Variants in KAZN observed in about 807,000 individuals in gnomAD.
KAZN encodes the protein kazrin, periplakin interacting protein.
KAZN carries 40 observed loss-of-function variants against 87.4 expected under a neutral mutation model. That is an observed-to-expected ratio of 0.46 (90% CI 0.36 to 0.60). The LOEUF (loss-of-function observed/expected upper bound fraction) is 0.60, where lower values mean the gene tolerates loss of function less well. KAZN is among the 20% of genes least tolerant of loss of function. KAZN has a pLI of 0.00. For synonymous variants in KAZN, 466 were observed against 458.3 expected (o/e 1.02, Z -0.22); for missense variants, 898 against 1,073.9 (o/e 0.84, Z 2.29).
At chr1:14,378,097 C>T (rs1423563362) in intron 2 of KAZN, among the ~76,000 whole-genome samples, 1 of 152,102 alleles carries the variant, frequency 6.6e-6, no homozygotes, top group East Asian at 1.9e-4. Context: ...TTACTCAGTG[C>T]TAGGTGCTCT....
chr1:14,915,684 C>T (rs1454106252), intron 1 of KAZN, among the ~76,000 whole-genome samples: 1 of 152,204 alleles, frequency 6.6e-6, no homozygotes, highest in East Asian at 1.9e-4. Context: ...GAGGCAGTTT[C>T]GCAGAGGATA....
At chr1:14,204,281 C>T (rs1646695735) in intron 2 of KAZN, among the ~76,000 whole-genome samples, 1 of 152,182 alleles carries the variant, frequency 6.6e-6, no homozygotes, top group Non-Finnish European at 1.5e-5. Flanking sequence ...TCCTCACAAA[C>T]ACTTCTGAGG....
At chr1:15,044,262 T>A in intron 4 of KAZN, 103 bp downstream of exon 4, 2 of 195,822 alleles carry the variant, frequency 1.0e-5, no homozygotes, top group South Asian at 9.4e-5. Context: ...TAGGGTGGGG[T>A]GGGTGGGGCA....
chr1:14,987,071 G>A (rs1174451801), intron 2 of KAZN, among the ~76,000 whole-genome samples: 6 of 152,148 alleles, frequency 3.9e-5, no homozygotes, highest in Admixed American at 6.5e-5. Context: ...CCCAGGCAGC[G>A]TAGAGGAGAA....
At chr1:14,214,733 C>A (rs1427938769) in intron 2 of KAZN, among the ~76,000 whole-genome samples, 1 of 152,204 alleles carries the variant, frequency 6.6e-6, no homozygotes, top group Non-Finnish European at 1.5e-5. Flanking sequence ...GAGGTAGCCA[C>A]TTACCAAGAG....
intron 2 of KAZN, among the ~76,000 whole-genome samples, chr1:14,192,571 A>C (rs1488302119): frequency 6.6e-6 from 1 of 152,202 alleles, no homozygotes; most frequent in Non-Finnish European, 1.5e-5. Flanking sequence ...CTGGAAAAAA[A>C]CTTGTTCTAG....
rs141569130 is a variant in KAZN, at chr1:14,304,244, A to C, written c.249+123652A>C. ...CTGCAGTAGTTTGCAAAGTGCTCAA[A>C]GAGTTTCACCTACCGATGTTCAACT... On this transcript the variant is annotated intron_variant, in intron 2 of 16. Transcript: ENST00000636203. 3.3e-4 allele frequency among the ~76,000 whole-genome samples: 51 copies of C among 152,370 alleles called. No individual in the cohort carries two copies. The East Asian group carries it at 9.4e-3, about 28-fold the overall frequency.
chr1:14,328,996 G>T (rs953174754), intron 2 of KAZN, among the ~76,000 whole-genome samples: 2 of 152,104 alleles, frequency 1.3e-5, no homozygotes, highest in Admixed American at 1.3e-4. Flanking sequence ...TACAAGAAAA[G>T]ACACAACTCA....
At chr1:14,144,852 C>G (rs981154257) in intron 1 of KAZN, among the ~76,000 whole-genome samples, 3 of 152,136 alleles carry the variant, frequency 2.0e-5, no homozygotes, top group Admixed American at 6.5e-5. Context: ...GGAACTAACA[C>G]AGTGAGAACA....
chr1:13,977,274 T>G (rs1391354746), intron 1 of KAZN, among the ~76,000 whole-genome samples: 1 of 152,248 alleles, frequency 6.6e-6, no homozygotes, highest in Non-Finnish European at 1.5e-5. Context: ...GAAATAAAAC[T>G]CAGTTCTGTG....
At chr1:14,503,433 G>A (rs10927447) in intron 2 of KAZN, among the ~76,000 whole-genome samples, 24,202 of 150,646 alleles carry the variant, frequency 0.16, 2,291 homozygotes, top group Non-Finnish European at 0.22. Context: ...GCAGTGAGCC[G>A]ACATCACGCC....
intron 8 of KAZN, among the ~76,000 whole-genome samples, chr1:15,088,986 C>T (rs1377600940): frequency 6.6e-6 from 1 of 152,086 alleles, no homozygotes; most frequent in African/African-American, 2.4e-5. Context: ...CACAAAGACA[C>T]ACAGGCACAC....
At chr1:14,730,361 C>T (rs535000234) in intron 1 of KAZN, among the ~76,000 whole-genome samples, 5 of 152,280 alleles carry the variant, frequency 3.3e-5, no homozygotes, top group Admixed American at 6.5e-5. Flanking sequence ...GGATTACAGG[C>T]GTGAGCCACC....
At chr1:14,256,791 GTAAACC>G (rs1412605938) in intron 2 of KAZN, among the ~76,000 whole-genome samples, 1 of 152,178 alleles carries the variant, frequency 6.6e-6, no homozygotes, top group East Asian at 1.9e-4. Context: ...GCACAGGATA[GTAAACC>G]TAAATTTACT....
intron 4 of KAZN, among the ~76,000 whole-genome samples, chr1:15,049,491 C>A (rs867727888): frequency 3.9e-5 from 6 of 152,160 alleles, no homozygotes; most frequent in African/African-American, 1.4e-4. Flanking sequence ...CCCAGCCCCC[C>A]AGTGTCACAG....
At chr1:14,226,444 C>T (rs1483981784) in intron 2 of KAZN, among the ~76,000 whole-genome samples, 2 of 151,998 alleles carry the variant, frequency 1.3e-5, no homozygotes, top group African/African-American at 2.4e-5. Context: ...ATTCTGGTAA[C>T]GTTGCAGAGA....
At chr1:14,085,378 A>G (rs1006032598) in intron 1 of KAZN, among the ~76,000 whole-genome samples, 1 of 152,206 alleles carries the variant, frequency 6.6e-6, no homozygotes, top group Non-Finnish European at 1.5e-5. Context: ...GTGAAATAGA[A>G]CATTCCGTTA....
intron 1 of KAZN, among the ~76,000 whole-genome samples, chr1:14,725,109 C>T (rs1350661054): frequency 6.6e-6 from 1 of 152,198 alleles, no homozygotes. Context: ...AATTTTAACT[C>T]AGGGGCCATT....
At chr1:14,515,018 T>C (rs1042393711) in intron 2 of KAZN, among the ~76,000 whole-genome samples, 1 of 152,296 alleles carries the variant, frequency 6.6e-6, no homozygotes, top group African/African-American at 2.4e-5. Flanking sequence ...ACTCTTTTTA[T>C]CCTTTTTATT....
Sources: gnomAD v4.1 joint callset for allele counts (sites outside exome capture counted in the v4.1 genomes callset) on GRCh38, gnomAD v4.1.1 for gene constraint, MANE v1.5 for transcripts, NCBI Gene and HGNC (gene_info 2026-07-23, HGNC 2026-07-21) for gene names.